The following CEP128 variants were observed in gnomAD, a reference collection of about 807,000 sequenced individuals.
The protein encoded by CEP128 is centrosomal protein 128, also known as centrosomal protein 128kDa.
CEP128 carries 132 observed loss-of-function variants against 156.7 expected under a neutral mutation model. That is an observed-to-expected ratio of 0.84 (90% CI 0.73 to 0.97). The LOEUF is 0.97. CEP128 is among the 50% of genes least tolerant of loss of function. The probability of loss-of-function intolerance (pLI) is 0.00; values close to 1 mark genes in which losing one functional copy is unlikely to be tolerated. For synonymous variants in CEP128, 469 were observed against 448.9 expected (o/e 1.04, Z -0.57); for missense variants, 1,252 against 1,281.9 (o/e 0.98, Z 0.36).
chr14:80,483,119 T>A (rs1887089755), intron 14 of CEP128, among the ~76,000 whole-genome samples: 1 of 152,216 alleles, frequency 6.6e-6, no homozygotes. Flanking sequence ...ATGTTATTTA[T>A]CATTATGAGT....
At chr14:80,636,603 C>T (rs1447115914) in intron 19 of CEP128, among the ~76,000 whole-genome samples, 2 of 152,068 alleles carry the variant, frequency 1.3e-5, no homozygotes, top group South Asian at 2.1e-4. Context: ...GAGATGAACC[C>T]CTCATCTCTA....
chr14:80,868,014 T>C (rs571739253), intron 8 of CEP128, among the ~76,000 whole-genome samples: 2 of 152,198 alleles, frequency 1.3e-5, no homozygotes, highest in Non-Finnish European at 2.9e-5. Context: ...TATCAGTGAA[T>C]TTCTCAGCAG....
chr14:80,586,851 T>C (rs998517284), intron 19 of CEP128, among the ~76,000 whole-genome samples: 4 of 152,198 alleles, frequency 2.6e-5, no homozygotes, highest in African/African-American at 9.7e-5. Context: ...CAGCTTAATA[T>C]AACATTTACC....
chr14:80,943,125 A>G (rs762910892), upstream of CEP128, among the ~76,000 whole-genome samples: 9 of 152,226 alleles, frequency 5.9e-5, no homozygotes, highest in Non-Finnish European at 1.2e-4. Flanking sequence ...TTATTTGTAA[A>G]CATTTTAACT....
chr14:80,804,341 A>C (rs1884051136), intron 13 of CEP128, among the ~76,000 whole-genome samples: 1 of 152,142 alleles, frequency 6.6e-6, no homozygotes, highest in African/African-American at 2.4e-5. Flanking sequence ...AATGTATCAA[A>C]ATCATATACT....
intron 19 of CEP128, among the ~76,000 whole-genome samples, chr14:80,695,941 T>C (rs1444243851): frequency 6.6e-6 from 1 of 152,156 alleles, no homozygotes; most frequent in Non-Finnish European, 1.5e-5. Flanking sequence ...AATTTCTTTA[T>C]GAATTAAACT....
chr14:80,627,047 A>G (rs1365014292), intron 19 of CEP128, among the ~76,000 whole-genome samples: 1 of 152,256 alleles, frequency 6.6e-6, no homozygotes. Flanking sequence ...CAAGATACTT[A>G]TTAGACCCAC....
At chr14:80,700,640 C>A (rs1897044548) in intron 19 of CEP128, among the ~76,000 whole-genome samples, 2 of 152,214 alleles carry the variant, frequency 1.3e-5, no homozygotes, top group South Asian at 4.1e-4. Context: ...GTCATTCCAA[C>A]TACCTATCTG....
intron 19 of CEP128, among the ~76,000 whole-genome samples, chr14:80,636,946 C>T (rs10130508): frequency 0.29 from 44,507 of 151,784 alleles, 8,475 homozygotes; most frequent in African/African-American, 0.53. Flanking sequence ...ATTAGCCAGG[C>T]GTGGTGGCAC....
chr14:80,868,141 G>A (rs1485217215), intron 8 of CEP128, among the ~76,000 whole-genome samples: 1 of 151,992 alleles, frequency 6.6e-6, no homozygotes, highest in African/African-American at 2.4e-5. Flanking sequence ...ATATAAAAGG[G>A]AGTTCTTCAA....
chr14:80,498,571 G>A lies in CEP128; in HGVS notation c.3182-989C>T, dbSNP rs150462839. ...TACTTTTTGCCCCTACTATCAGGAA[G>A]ATGCTTCCCATCCAATTTCAACTCA... On this transcript the variant is annotated intron_variant, in intron 24 of 24. Coordinates refer to ENST00000555265, the MANE Select transcript of CEP128 (RefSeq NM_152446.5). Among the ~76,000 whole-genome samples, 821 of 152,256 alleles carry A rather than the reference G, an allele frequency of 5.4e-3. 3 individuals carry two copies. The highest frequency in any genetic ancestry group is 0.014 in the Middle Eastern group (4 of 294).
At chr14:80,868,421 G>C (rs1376639564) in intron 8 of CEP128, among the ~76,000 whole-genome samples, 3 of 151,904 alleles carry the variant, frequency 2.0e-5, no homozygotes, top group African/African-American at 7.3e-5. Context: ...TCAAAGTTAA[G>C]TTGTCATCAG....
intron 16 of CEP128, among the ~76,000 whole-genome samples, chr14:80,775,144 ACATACATC>A (rs1900722896): frequency 6.6e-6 from 1 of 152,216 alleles, no homozygotes; most frequent in Non-Finnish European, 1.5e-5. Context: ...CAAGCACTTT[ACATACATC>A]CTCACACTTA....
chr14:80,477,419 G>A (rs1886963652), exon 15 of CEP128: 1 of 151,982 alleles, frequency 6.6e-6, no homozygotes, highest in Admixed American at 6.6e-5. Context: ...TTTTTCCTCT[G>A]GCTCTTTTAG....
In CEP128 at chr14:80,785,269, C is replaced by A; in HGVS notation, c.1837G>T (p.Glu613Ter). The A allele has an allele frequency of 6.2e-7, 1 of 1,614,158 alleles. No individual in the cohort carries two copies. Among genetic ancestry groups the A allele is most frequent in the Non-Finnish European group, 8.5e-7 (1 of 1,180,024 alleles). The change falls in exon 15 of 25, where the codon GAG (glutamate) becomes TAG (stop). Residue 613 changes from glutamate to a stop codon, truncating the protein, a stop_gained. Coordinates refer to ENST00000555265, the MANE Select transcript of CEP128 (RefSeq NM_152446.5). LOFTEE classifies it high-confidence loss of function. ...SQMKVEKAHL[E>*]EEIAELKKSQ... ...TTCTTGAGCTCTGCAATTTCTTCCT[C>A]CAAGTGAGCTTTCTCAACTTTCATC... is the stretch of plus-strand genomic sequence containing the variant.
At chr14:80,868,568 C>G (rs1887882174) in intron 8 of CEP128, among the ~76,000 whole-genome samples, 2 of 151,800 alleles carry the variant, frequency 1.3e-5, no homozygotes, top group South Asian at 4.1e-4. Context: ...CAAAGGAAGA[C>G]AGAGAGAAAA....
intron 9 of CEP128, among the ~76,000 whole-genome samples, chr14:80,861,557 G>C (rs1887512535): frequency 6.6e-6 from 1 of 152,010 alleles, no homozygotes; most frequent in African/African-American, 2.4e-5. Flanking sequence ...GAAACATCAA[G>C]AAACCCAAAA....
At chr14:80,517,351 C>A (rs1332602341) in intron 23 of CEP128, among the ~76,000 whole-genome samples, 1 of 151,966 alleles carries the variant, frequency 6.6e-6, no homozygotes, top group South Asian at 2.1e-4. Flanking sequence ...TTGTAATATA[C>A]CCATTTCATG....
At chr14:80,647,047 A>G (rs1566831526) in intron 19 of CEP128, among the ~76,000 whole-genome samples, 376 of 4,920 alleles carry the variant, frequency 0.076, 31 homozygotes, top group East Asian at 0.27. Flanking sequence ...GTATATATAT[A>G]TATATATATA....
Sources: allele counts gnomAD v4.1 joint callset (sites outside exome capture counted in the v4.1 genomes callset), GRCh38; gene constraint gnomAD v4.1.1; transcripts MANE v1.5; gene names NCBI Gene and HGNC (gene_info 2026-07-23, HGNC 2026-07-21).